SLCO3A1: variants seen among roughly 807,000 people sequenced by gnomAD.
SLCO3A1 encodes solute carrier organic anion transporter family member 3A1, also known as PGE1 transporter.
A neutral mutation model predicts 63.1 loss-of-function variants in SLCO3A1; 27 were observed. The ratio of observed to expected loss-of-function variants is 0.43; its 90% CI spans 0.32 to 0.59. SLCO3A1 has a LOEUF of 0.59. SLCO3A1 is among the 20% of genes least tolerant of loss of function. The pLI is 0.09. For missense variants in SLCO3A1, 773 were observed against 945.8 expected (o/e 0.82, Z 2.40); for synonymous variants, 473 against 409.9 (o/e 1.15, Z -1.86).
At chr15:92,040,041 C>T (rs2046778798) in intron 2 of SLCO3A1, among the ~76,000 whole-genome samples, 1 of 151,874 alleles carries the variant, frequency 6.6e-6, no homozygotes, top group Non-Finnish European at 1.5e-5. Flanking sequence ...ACACCAGGGC[C>T]AGTTGGAGGC....
intron 2 of SLCO3A1, among the ~76,000 whole-genome samples, chr15:91,938,847 A>AT (rs1472855675): frequency 2.0e-5 from 3 of 152,178 alleles, no homozygotes; most frequent in African/African-American, 7.2e-5. Context: ...TAGGAACCAC[A>AT]GAAGGTTAAT....
At chr15:92,138,428 T>C (rs1162955921) in intron 7 of SLCO3A1, among the ~76,000 whole-genome samples, 2 of 112,864 alleles carry the variant, frequency 1.8e-5, no homozygotes, top group Non-Finnish European at 3.4e-5. Flanking sequence ...AGCTTTGTTC[T>C]TTTGGCTTAG....
At position 91,926,720 on chromosome 15, in the gene SLCO3A1, A is replaced by G. The variant is rs181404722; in HGVS notation, c.646+10262A>G. Among the ~76,000 whole-genome samples the G allele has an allele frequency of 1.3e-3, 193 of 152,278 alleles. 1 individual carries two copies. The highest frequency in any genetic ancestry group is 4.6e-3 in the African/African-American group (190 of 41,540). Reference sequence around the variant, plus strand: ...TGTATTTCTTTAGCGCTCAGATTCAAGAATCTGGCTTCAGAATGTCAGGAG... The same window carrying G: ...TGTATTTCTTTAGCGCTCAGATTCAGGAATCTGGCTTCAGAATGTCAGGAG... On this transcript the variant is annotated intron_variant, in intron 2 of 9. Transcript: ENST00000318445.
intron 2 of SLCO3A1, among the ~76,000 whole-genome samples, chr15:91,994,023 A>G (rs1747012507): frequency 6.6e-6 from 1 of 152,204 alleles, no homozygotes; most frequent in African/African-American, 2.4e-5. Flanking sequence ...GCCCTGGCTG[A>G]TGTCTTGGTT....
In SLCO3A1 at chr15:91,882,712, G is replaced by C. The variant is rs925842204; in HGVS notation, c.180+28624G>C. Among the ~76,000 whole-genome samples, 3 of 152,290 alleles carry C rather than the reference G, an allele frequency of 2.0e-5. No individual in the cohort carries two copies. Among genetic ancestry groups the C allele is most frequent in the South Asian group, 2.1e-4 (1 of 4,820 alleles). The stretch of plus-strand genomic sequence containing the variant: ...CTTTTTTGTATTTTTAGTAGAGACA[G>C]GGTTTCACCATGTTGGCCAGGCTGG... On this transcript the variant is annotated intron_variant, in intron 1 of 9. Transcript: ENST00000318445. This position sits in a 1 kb window ranked among gnomAD's most constrained non-coding sequence, Gnocchi z 4.4.
intron 2 of SLCO3A1, among the ~76,000 whole-genome samples, chr15:92,057,141 T>C (rs893373213): frequency 6.6e-6 from 1 of 152,200 alleles, no homozygotes; most frequent in Non-Finnish European, 1.5e-5. Flanking sequence ...CATAAGTCCA[T>C]TCTTAGCTTT....
chr15:92,144,505 C>G (rs2048194403), intron 7 of SLCO3A1, among the ~76,000 whole-genome samples: 1 of 152,242 alleles, frequency 6.6e-6, no homozygotes, highest in East Asian at 1.9e-4. Flanking sequence ...GAGGAACCAC[C>G]CTTACAAATG....
intron 2 of SLCO3A1, among the ~76,000 whole-genome samples, chr15:92,014,331 T>C (rs2046401590): frequency 1.3e-5 from 2 of 152,086 alleles, no homozygotes; most frequent in African/African-American, 4.8e-5. Context: ...GAAGCGTGGG[T>C]GGCAGAGAGG....
chr15:92,027,217 G>T (rs181999493), intron 2 of SLCO3A1, among the ~76,000 whole-genome samples: 4 of 152,294 alleles, frequency 2.6e-5, no homozygotes, highest in African/African-American at 4.8e-5. Flanking sequence ...TTTTGATAGG[G>T]TCGGTATTGT....
At chr15:92,084,412 G>A (rs1353245631) in intron 2 of SLCO3A1, among the ~76,000 whole-genome samples, 2 of 152,204 alleles carry the variant, frequency 1.3e-5, no homozygotes, top group Admixed American at 1.3e-4. Context: ...GGTAGGGATT[G>A]TTGTCATCCC....
intron 2 of SLCO3A1, among the ~76,000 whole-genome samples, chr15:91,980,655 C>T (rs1239280440): frequency 6.6e-6 from 1 of 152,128 alleles, no homozygotes; most frequent in African/African-American, 2.4e-5. Flanking sequence ...TTTTCTCCCT[C>T]ACACCATGCA....
At chr15:91,959,731 A>AT (rs1900370251) in intron 2 of SLCO3A1, among the ~76,000 whole-genome samples, 5 of 146,154 alleles carry the variant, frequency 3.4e-5, no homozygotes, top group African/African-American at 1.4e-4. Flanking sequence ...CTCAAAAAAA[A>AT]AAAAAAAAAA....
chr15:91,985,623 G>C (rs1420593593), intron 2 of SLCO3A1, among the ~76,000 whole-genome samples: 5 of 152,206 alleles, frequency 3.3e-5, no homozygotes, highest in African/African-American at 1.2e-4. Flanking sequence ...CGTCTTTTTA[G>C]CTTTAGCTGT....
chr15:91,971,412 C>CAAAAAAAAAAAAAAAAAAAAAAAAAA (rs1193750050), intron 2 of SLCO3A1, among the ~76,000 whole-genome samples: 5 of 43,208 alleles, frequency 1.2e-4, no homozygotes, highest in East Asian at 9.6e-4. Context: ...AAAAAAAAAG[C>CAAAAAAAAAAAAAAAAAAAAAAAAAA]AACCTCTTCC....
intron 3 of SLCO3A1, 126 bp downstream of exon 3, chr15:92,095,105 G>GGTGAT: frequency 2.2e-6 from 1 of 460,124 alleles, no homozygotes; most frequent in Non-Finnish European, 4.0e-6. Flanking sequence ...TGCCTCTGTA[G>GGTGAT]CTGGGGCTCA....
intron 4 of SLCO3A1, among the ~76,000 whole-genome samples, chr15:92,112,020 C>T (rs2047735093): frequency 6.6e-6 from 1 of 152,134 alleles, no homozygotes; most frequent in African/African-American, 2.4e-5. Flanking sequence ...TTCCAGAATA[C>T]AGAGTAGAAA....
At chr15:91,962,983 C>G (rs1900506465) in intron 2 of SLCO3A1, among the ~76,000 whole-genome samples, 1 of 152,100 alleles carries the variant, frequency 6.6e-6, no homozygotes, top group African/African-American at 2.4e-5. Context: ...TAACTTCTTC[C>G]AATCTGTAAC....
At chr15:92,020,519 C>T (rs946494562) in intron 2 of SLCO3A1, among the ~76,000 whole-genome samples, 3 of 152,186 alleles carry the variant, frequency 2.0e-5, no homozygotes, top group Admixed American at 6.5e-5. Context: ...AAAATCAATC[C>T]ATTTTTATTT....
intron 2 of SLCO3A1, among the ~76,000 whole-genome samples, chr15:91,926,596 T>TGTGTGTCTGC: frequency 9.5e-6 from 1 of 105,256 alleles, no homozygotes; most frequent in Admixed American, 8.8e-5. Context: ...TGTGTGTGTG[T>TGTGTGTCTGC]GCGCGCGCGC....
Sources: allele counts gnomAD v4.1 joint callset (sites outside exome capture counted in the v4.1 genomes callset), GRCh38; gene constraint gnomAD v4.1.1; non-coding constraint Gnocchi (gnomAD v3.1); transcripts MANE v1.5; gene names NCBI Gene and HGNC (gene_info 2026-07-23, HGNC 2026-07-21).